ATXN7L1: variants seen among roughly 807,000 people sequenced by gnomAD.
The protein encoded by ATXN7L1 is ataxin 7 like 1.
In ATXN7L1, 15 loss-of-function variants were observed where a neutral mutation model predicts 70.8. The observed-to-expected ratio is 0.21, with a 90% CI of 0.14 to 0.33. The LOEUF (loss-of-function observed/expected upper bound fraction) is 0.33, where lower values mean the gene tolerates loss of function less well. Ranked by LOEUF, ATXN7L1 falls within the 10% of genes least tolerant of loss-of-function variation. ATXN7L1 has a pLI of 1.00. For missense variants in ATXN7L1, 975 were observed against 1,097.1 expected (o/e 0.89, Z 1.57); for synonymous variants, 440 against 445.1 (o/e 0.99, Z 0.14).
chr7:105,621,527 C>T (rs1794933512), intron 8 of ATXN7L1, among the ~76,000 whole-genome samples: 1 of 152,180 alleles, frequency 6.6e-6, no homozygotes, highest in African/African-American at 2.4e-5. Flanking sequence ...CAGGGATCCA[C>T]AAAATGTTTA....
chr7:105,669,242 T>C (rs766046522), intron 3 of ATXN7L1, among the ~76,000 whole-genome samples: 7 of 152,134 alleles, frequency 4.6e-5, no homozygotes, highest in Non-Finnish European at 1.0e-4. Context: ...CCACCATGCC[T>C]GACTTATTTT....
intron 3 of ATXN7L1, among the ~76,000 whole-genome samples, chr7:105,721,510 T>C (rs951926730): frequency 7.2e-5 from 11 of 152,212 alleles, no homozygotes; most frequent in African/African-American, 2.4e-4. Flanking sequence ...TGTGCCTGCA[T>C]CCCGCCCTTA....
intron 5 of ATXN7L1, among the ~76,000 whole-genome samples, chr7:105,639,893 T>G (rs1797924570): frequency 6.6e-6 from 1 of 152,120 alleles, no homozygotes; most frequent in Non-Finnish European, 1.5e-5. Context: ...CTCTTAATGC[T>G]CTTAACGCTT....
At chr7:105,700,560 C>T (rs1792322357) in intron 3 of ATXN7L1, among the ~76,000 whole-genome samples, 1 of 150,444 alleles carries the variant, frequency 6.6e-6, no homozygotes, top group Admixed American at 6.6e-5. Context: ...AGCAATGTTG[C>T]TCCATGAATG....
chr7:105,684,705 G>A (rs550498924), intron 3 of ATXN7L1, among the ~76,000 whole-genome samples: 11 of 152,176 alleles, frequency 7.2e-5, no homozygotes, highest in Non-Finnish European at 1.2e-4. Context: ...AAACTCGATC[G>A]GCCTGCCATC....
intron 3 of ATXN7L1, among the ~76,000 whole-genome samples, chr7:105,735,164 C>T (rs1797242013): frequency 6.6e-6 from 1 of 152,126 alleles, no homozygotes; most frequent in South Asian, 2.1e-4. Flanking sequence ...CACTAGATCC[C>T]CTTGACCTGG....
chr7:105,696,571 T>C (rs1044063589), intron 3 of ATXN7L1, among the ~76,000 whole-genome samples: 3 of 152,232 alleles, frequency 2.0e-5, no homozygotes, highest in Non-Finnish European at 4.4e-5. Context: ...TCAGAACTTC[T>C]GAAAGTCCAT....
chr7:105,821,850 T>A (rs1325871621), intron 2 of ATXN7L1, among the ~76,000 whole-genome samples: 1 of 152,254 alleles, frequency 6.6e-6, no homozygotes, highest in Non-Finnish European at 1.5e-5. Flanking sequence ...ACACTTCCAT[T>A]AACTGGTGCT....
chr7:105,803,531 C>T (rs1284827727), intron 2 of ATXN7L1, among the ~76,000 whole-genome samples: 1 of 152,176 alleles, frequency 6.6e-6, no homozygotes. Flanking sequence ...TCTCTGGGGC[C>T]CTAGAACACC....
At chr7:105,610,631 A>G in intron 10 of ATXN7L1, 28 bp from the exon 11 acceptor site, 1 of 1,543,814 alleles carries the variant, frequency 6.5e-7, no homozygotes, top group Non-Finnish European at 8.8e-7. Context: ...AGCCCCACTC[A>G]GACACACGAG....
At chr7:105,689,462 C>G (rs769757427) in intron 3 of ATXN7L1, among the ~76,000 whole-genome samples, 1 of 152,174 alleles carries the variant, frequency 6.6e-6, no homozygotes, top group African/African-American at 2.4e-5. Flanking sequence ...CTCCTCCCAG[C>G]TCCAACATAA....
At chr7:105,647,356 T>A (rs1799194946) in intron 4 of ATXN7L1, among the ~76,000 whole-genome samples, 1 of 152,114 alleles carries the variant, frequency 6.6e-6, no homozygotes. Flanking sequence ...GGAAATACAT[T>A]TAAAAAACCG....
chr7:105,876,533 G>T lies in ATXN7L1; in HGVS notation c.26C>A (p.Pro9Gln), dbSNP rs762277618. 6.2e-7 allele frequency: 1 copy of T among 1,604,116 alleles called. No individual in the cohort carries two copies. Among genetic ancestry groups the T allele is most frequent in the Non-Finnish European group, 8.5e-7 (1 of 1,174,272 alleles). The change falls in exon 1 of 12, where the codon CCG becomes CAG. Residue 9 changes from proline (P) to glutamine (Q), a missense_variant. Transcript: ENST00000419735. Reference sequence around the variant, plus strand: ...TTCGGCAGCAGCAGCCGAGAGACACGGGATTCGAGAACGCTCCGACGTCAT... The same window carrying T: ...TTCGGCAGCAGCAGCCGAGAGACACTGGATTCGAGAACGCTCCGACGTCAT... MTSERSRIPCLSAAAAEGT... is the reference protein window; with the variant it reads MTSERSRIQCLSAAAAEGT...
chr7:105,623,422 G>A (rs1795223490), intron 8 of ATXN7L1, among the ~76,000 whole-genome samples: 1 of 152,210 alleles, frequency 6.6e-6, no homozygotes, highest in South Asian at 2.1e-4. Flanking sequence ...CTCCTGTGAG[G>A]TGGGAAACTA....
chr7:105,691,883 G>A (rs1373159050), intron 3 of ATXN7L1, among the ~76,000 whole-genome samples: 1 of 152,166 alleles, frequency 6.6e-6, no homozygotes, highest in Admixed American at 6.5e-5. Flanking sequence ...TAAACACGGA[G>A]TTTCAGGTCC....
At chr7:105,726,340 C>G (rs1216498635) in intron 3 of ATXN7L1, among the ~76,000 whole-genome samples, 1 of 152,210 alleles carries the variant, frequency 6.6e-6, no homozygotes, top group Non-Finnish European at 1.5e-5. Context: ...TGTGGCAGGA[C>G]AGAATCCACT....
At chr7:105,740,374 T>C (rs975363159) in intron 3 of ATXN7L1, among the ~76,000 whole-genome samples, 3 of 152,186 alleles carry the variant, frequency 2.0e-5, no homozygotes, top group Non-Finnish European at 4.4e-5. Flanking sequence ...TTAGTGACGA[T>C]CACAGAGGCA....
chr7:105,621,931 T>A (rs1255432308), intron 8 of ATXN7L1, among the ~76,000 whole-genome samples: 5 of 152,208 alleles, frequency 3.3e-5, no homozygotes, highest in Admixed American at 3.3e-4. Context: ...ACCCATCAAA[T>A]CTGGTACTGC....
chr7:105,613,018 G>A (rs191183530), intron 10 of ATXN7L1, among the ~76,000 whole-genome samples: 275 of 152,270 alleles, frequency 1.8e-3, no homozygotes, highest in African/African-American at 6.4e-3. Context: ...CAGAGAATCC[G>A]AGGCCAGGCC....
Sources: allele counts gnomAD v4.1 joint callset (sites outside exome capture counted in the v4.1 genomes callset), GRCh38; gene constraint gnomAD v4.1.1; transcripts MANE v1.5; gene names NCBI Gene and HGNC (gene_info 2026-07-23, HGNC 2026-07-21).